PXDNL: variants seen among roughly 807,000 people sequenced by gnomAD.
The protein encoded by PXDNL is peroxidasin like.
PXDNL carries 145 observed loss-of-function variants against 150.8 expected under a neutral mutation model. The observed-to-expected ratio is 0.96, with a 90% CI of 0.84 to 1.10. PXDNL has a LOEUF of 1.10. Among genes scored for constraint, PXDNL ranks in the 50% least tolerant of loss-of-function variants. The pLI is 0.00. For synonymous variants in PXDNL, 757 were observed against 725.7 expected (o/e 1.04, Z -0.69); for missense variants, 2,087 against 1,873.9 (o/e 1.11, Z -2.10).
At chr8:51,519,021 A>G (rs1811602481) in intron 4 of PXDNL, among the ~76,000 whole-genome samples, 1 of 152,194 alleles carries the variant, frequency 6.6e-6, no homozygotes, top group Non-Finnish European at 1.5e-5. Flanking sequence ...AGTAGTGGAA[A>G]CTTTGGGATA....
At chr8:51,760,906 TGGAGTG>T in intron 1 of PXDNL, among the ~76,000 whole-genome samples, 1 of 130,420 alleles carries the variant, frequency 7.7e-6, no homozygotes, top group Non-Finnish European at 1.6e-5. Flanking sequence ...TCGCCCAGGC[TGGAGTG>T]CAGTGGCGCG....
intron 10 of PXDNL, among the ~76,000 whole-genome samples, chr8:51,451,801 G>A (rs1466708712): frequency 6.6e-6 from 1 of 152,148 alleles, no homozygotes; most frequent in Non-Finnish European, 1.5e-5. Flanking sequence ...ATCTTAAAAT[G>A]TTTCATCTAT....
At chr8:51,746,627 G>A (rs1220171361) in intron 1 of PXDNL, among the ~76,000 whole-genome samples, 2 of 152,196 alleles carry the variant, frequency 1.3e-5, no homozygotes, top group East Asian at 1.9e-4. Flanking sequence ...CGGGGCTGTG[G>A]TATTAAGGAG....
chr8:51,472,463 T>C (rs1325982558), intron 7 of PXDNL, among the ~76,000 whole-genome samples, 159 bp from the exon 8 acceptor site: 1 of 152,200 alleles, frequency 6.6e-6, no homozygotes, highest in Non-Finnish European at 1.5e-5. Context: ...GGTTAGAGAT[T>C]AGACATATAT....
chr8:51,374,539 A>C (rs1807237095), intron 18 of PXDNL, 58 bp downstream of exon 18: 4 of 1,558,850 alleles, frequency 2.6e-6, no homozygotes, highest in Non-Finnish European at 3.5e-6. Context: ...AAACATATAC[A>C]TTTTGGGTCA....
At chr8:51,471,054 C>G (rs1180339498) in intron 8 of PXDNL, among the ~76,000 whole-genome samples, 1 of 136,826 alleles carries the variant, frequency 7.3e-6, no homozygotes, top group African/African-American at 3.1e-5. Flanking sequence ...AACAGGCAAC[C>G]TACAGAATGG....
At chr8:51,485,608 AG>A (rs1445369514) in intron 5 of PXDNL, among the ~76,000 whole-genome samples, 1 of 152,116 alleles carries the variant, frequency 6.6e-6, no homozygotes, top group East Asian at 1.9e-4. Context: ...GGTCAGCCTG[AG>A]CCTTTCTCCT....
In PXDNL at chr8:51,331,100, A is replaced by G. The variant is rs1447595935; in HGVS notation, c.4146+8524T>C. 2.0e-5 allele frequency among the ~76,000 whole-genome samples: 3 copies of G among 152,218 alleles called. No homozygotes were observed. The East Asian group carries it at 5.8e-4, about 29-fold the overall frequency. The stretch of plus-strand genomic sequence containing the variant: ...CCGAGAGGATCCACAGACCCTCTGC[A>G]GGAAGCAGACTGCTCCTGCAGGACC... On this transcript the variant is annotated intron_variant, in intron 21 of 22. Transcript: ENST00000356297.
At position 51,581,816 on chromosome 8, in the gene PXDNL, T is replaced by C. The variant is rs541953446; in HGVS notation, c.308+10811A>G. Among the ~76,000 whole-genome samples the C allele has an allele frequency of 7.7e-4, 118 of 152,284 alleles. 2 individuals carry two copies. Among genetic ancestry groups the C allele is most frequent in the Middle Eastern group, 3.4e-3 (1 of 294 alleles). The stretch of plus-strand genomic sequence containing the variant: ...TGGCATTAGTCCTTGAAATGTTTGG[T>C]AGAATTCAGCAGTGAAGCCATGAGG... On this transcript the variant is annotated intron_variant, in intron 3 of 22. Transcript: ENST00000356297.
At chr8:51,391,235 A>G (rs1807898040) in intron 17 of PXDNL, among the ~76,000 whole-genome samples, 3 of 152,170 alleles carry the variant, frequency 2.0e-5, no homozygotes, top group African/African-American at 7.2e-5. Flanking sequence ...AGCATGATTT[A>G]TAGTCCTTTG....
intron 5 of PXDNL, among the ~76,000 whole-genome samples, chr8:51,487,858 T>C (rs775604148): frequency 6.6e-6 from 1 of 152,178 alleles, no homozygotes; most frequent in Non-Finnish European, 1.5e-5. Context: ...TTAGTACTTA[T>C]GAATGTAACA....
At chr8:51,565,686 G>A (rs898425316) in intron 3 of PXDNL, among the ~76,000 whole-genome samples, 1 of 151,872 alleles carries the variant, frequency 6.6e-6, no homozygotes, top group East Asian at 1.9e-4. Flanking sequence ...TTTGTCTCAT[G>A]CAAAAAATTA....
At position 51,644,318 on chromosome 8, in the gene PXDNL, T is replaced by TTATATATA. The variant is rs1406776100; in HGVS notation, c.236+10370_236+10371insTATATATA. On this transcript the variant is annotated intron_variant, in intron 2 of 22. Coordinates refer to ENST00000356297, the MANE Select transcript of PXDNL (RefSeq NM_144651.5). ...TAAACCCTGTAGCAAAGGCACATTTTTACATATATATATATATATACACAC... is the reference window on the plus strand; with the variant it reads ...TAAACCCTGTAGCAAAGGCACATTTTTATATATATACATATATATATATATATACACAC... 7.6e-3 allele frequency among the ~76,000 whole-genome samples: 481 copies of TTATATATA among 63,286 alleles called. 69 individuals carry two copies. The highest frequency in any genetic ancestry group is 0.012 in the African/African-American group (316 of 26,726). The allele number at this position is 63,286 out of a possible 152,430, so 41.5% of individuals were successfully genotyped here.
chr8:51,743,320 C>T (rs2036927520), intron 1 of PXDNL, among the ~76,000 whole-genome samples: 1 of 152,122 alleles, frequency 6.6e-6, no homozygotes, highest in East Asian at 1.9e-4. Flanking sequence ...CGGGTTCAAG[C>T]TATTCTCCTG....
intron 21 of PXDNL, among the ~76,000 whole-genome samples, chr8:51,332,593 G>A (rs1433746820): frequency 1.3e-5 from 2 of 151,558 alleles, no homozygotes; most frequent in East Asian, 1.9e-4. Flanking sequence ...AAAGATACAA[G>A]AAGTGAAAGG....
At chr8:51,397,268 A>T (rs898539430) in intron 17 of PXDNL, among the ~76,000 whole-genome samples, 2 of 152,214 alleles carry the variant, frequency 1.3e-5, no homozygotes, top group African/African-American at 4.8e-5. Flanking sequence ...GTTTATATTC[A>T]TGTTACAATT....
rs541129129 is a variant in PXDNL at position 51,773,116 on chromosome 8, C to A, written c.164+36065G>T. ...TAATAGGATGAACTATGGATATATG[C>A]AAACCCACACATTTGAAAACAAAAG... is the stretch of plus-strand genomic sequence containing the variant. On this transcript the variant is annotated intron_variant, in intron 1 of 22. Transcript: ENST00000356297. 9.9e-5 allele frequency among the ~76,000 whole-genome samples: 15 copies of A among 152,284 alleles called. No homozygotes were observed. The South Asian group carries it at 1.9e-3, about 19-fold the overall frequency.
chr8:51,762,548 T>C (rs1476605925), intron 1 of PXDNL, among the ~76,000 whole-genome samples: 1 of 152,240 alleles, frequency 6.6e-6, no homozygotes, highest in Non-Finnish European at 1.5e-5. Flanking sequence ...TCCTTTCTAT[T>C]GATCCCAGGT....
intron 15 of PXDNL, among the ~76,000 whole-genome samples, chr8:51,411,915 C>T (rs2116350): frequency 0.58 from 87,399 of 151,656 alleles, 27,988 homozygotes; most frequent in Non-Finnish European, 0.7. Flanking sequence ...TTCTCTAGTA[C>T]TCCTGTATCC....
Sources: gnomAD v4.1 joint callset for allele counts (sites outside exome capture counted in the v4.1 genomes callset) on GRCh38, gnomAD v4.1.1 for gene constraint, MANE v1.5 for transcripts, NCBI Gene and HGNC (gene_info 2026-07-23, HGNC 2026-07-21) for gene names.